PPP2R2D: variants seen among roughly 807,000 people sequenced by gnomAD.
PPP2R2D encodes protein phosphatase 2 regulatory subunit Bdelta.
A neutral mutation model predicts 31.1 loss-of-function variants in PPP2R2D; 9 were observed. That is an observed-to-expected ratio of 0.29 (90% CI 0.17 to 0.51). The LOEUF (loss-of-function observed/expected upper bound fraction) is 0.51. PPP2R2D is among the 20% of genes least tolerant of loss of function. The pLI, the probability that PPP2R2D is intolerant of heterozygous loss-of-function variation, is 0.98. For synonymous variants in PPP2R2D, 179 were observed against 172.6 expected, an observed-to-expected ratio of 1.04 and a Z score of -0.29; for missense variants, 391 against 465.6, an observed-to-expected ratio of 0.84 and a Z score of 1.48.
At chr10:131,961,578 C>T (rs1589971953), downstream of PPP2R2D, among the ~76,000 whole-genome samples, 1 of 152,206 alleles carries the variant, frequency 6.6e-6, no homozygotes, top group East Asian at 1.9e-4. Context: ...CCATACGCCC[C>T]TCAGATCTCT....
chr10:131,937,820 A>G (rs2036370072), intron 3 of PPP2R2D, among the ~76,000 whole-genome samples: 1 of 152,240 alleles, frequency 6.6e-6, no homozygotes, highest in Non-Finnish European at 1.5e-5. Context: ...TTGAAATAGA[A>G]CTGTCTGTTG....
intron 8 of PPP2R2D, among the ~76,000 whole-genome samples, chr10:131,953,577 T>C (rs2036732613): frequency 7.0e-6 from 1 of 141,996 alleles, no homozygotes; most frequent in African/African-American, 2.7e-5. Context: ...GGGGTCACTG[T>C]CTTAGCAGTG....
Position 131,955,704 on chromosome 10 carries a change from A to G in PPP2R2D, c.1103A>G (p.Tyr368Cys). 1 of 1,471,416 alleles carries G rather than the reference A, an allele frequency of 6.8e-7. No homozygotes were observed. The allele number at this position is 1,471,416 out of a possible 1,614,324, so 91.1% of individuals were successfully genotyped here. The change falls in exon 9 of 9, where the codon TAT becomes TGT. Residue 368 changes from tyrosine to cysteine, a missense_variant. By Grantham distance (194) the Tyr-to-Cys change is radical. Transcript: ENST00000455566. ...AACAGCGCCATCATGACCGGGTCCT[A>G]TAACAACTTCTTCAGGATGTTTGAT... ...GSDSAIMTGS[Y>C]NNFFRMFDRD...
At chr10:131,970,611 C>T in the PPP2R2D span, 9 of 1,609,718 alleles carry the variant, frequency 5.6e-6, no homozygotes, top group Non-Finnish European at 7.6e-6. The surrounding 1 kb of genome is among the most constrained non-coding windows in gnomAD (Gnocchi z 4.1). Flanking sequence ...CATGCCATGA[C>T]AGGAGTCACA....
At chr10:131,963,714 CTTT>C (rs1428573729), downstream of PPP2R2D, among the ~76,000 whole-genome samples, 3 of 151,974 alleles carry the variant, frequency 2.0e-5, no homozygotes, top group African/African-American at 7.3e-5. Context: ...AGGGACCACA[CTTT>C]TTTTTTCTTT....
chr10:131,944,207 C>T (rs761456096), intron 6 of PPP2R2D, 62 bp downstream of exon 6: 3 of 1,409,340 alleles, frequency 2.1e-6, no homozygotes, highest in African/African-American at 2.9e-5. Context: ...AGTAATTTCT[C>T]TCGTCCCTTT....
chr10:131,936,585 A>G (rs1187190693), intron 3 of PPP2R2D, among the ~76,000 whole-genome samples: 5 of 152,278 alleles, frequency 3.3e-5, no homozygotes, highest in Non-Finnish European at 7.3e-5. Context: ...ATTTTAGGTT[A>G]GAAAATGGAA....
the PPP2R2D span, chr10:131,970,754 G>A: frequency 1.9e-6 from 3 of 1,614,202 alleles, no homozygotes; most frequent in Non-Finnish European, 2.5e-6. The surrounding 1 kb of genome is among the most constrained non-coding windows in gnomAD (Gnocchi z 4.1). Flanking sequence ...TGCTGAGGGT[G>A]GCCGTGCGCT....
chr10:131,954,615 CTT>C, intron 8 of PPP2R2D, among the ~76,000 whole-genome samples: 1 of 151,120 alleles, frequency 6.6e-6, no homozygotes, highest in East Asian at 1.9e-4. Context: ...TGCAGTTTCT[CTT>C]CTCTGAGTTC....
At chr10:131,905,780 G>A (rs1015630162) in intron 2 of PPP2R2D, among the ~76,000 whole-genome samples, 1 of 152,252 alleles carries the variant, frequency 6.6e-6, no homozygotes, top group African/African-American at 2.4e-5. Flanking sequence ...CCGCAGAGCC[G>A]TGGAGCGCTG....
Position 131,940,623 on chromosome 10 carries a change from A to G in PPP2R2D, c.406A>G (p.Arg136Gly), listed in dbSNP as rs1589952353. ...ATGGAAAATAAGTGAACGGGATAAA[A>G]GAGCAGAAGGTTATAACCTGAAAGA... ...KLWKISERDK[R>G]AEGYNLKDED... The change falls in exon 5 of 9, where the codon AGA becomes GGA. Residue 136 changes from arginine to glycine, a missense_variant. Arg to Gly is a moderately radical substitution (Grantham distance 125, BLOSUM62 -2). Transcript: ENST00000455566. 1 of 777,052 alleles carries G rather than the reference A, an allele frequency of 1.3e-6. No homozygotes were observed. Among genetic ancestry groups the G allele is most frequent in the Non-Finnish European group, 2.4e-6 (1 of 416,278 alleles). 48.1% of individuals were successfully genotyped at this position (777,052 alleles called of 1,614,324 possible).
At position 131,958,850 on chromosome 10, in the gene PPP2R2D, T is replaced by C. The variant is rs561392321; in HGVS notation, c.*2887T>C. On this transcript the variant is annotated 3_prime_UTR_variant, in exon 9 of 9. Coordinates refer to ENST00000455566, the MANE Select transcript of PPP2R2D (RefSeq NM_018461.5). ...CTGATCCCCCATCCCCCTGTGGAGA[T>C]GAAGGCGTGTGCTGATCCGCCATCC... is the stretch of plus-strand genomic sequence containing the variant. The C allele has an allele frequency of 1.0e-5, 2 of 196,754 alleles. No individual in the cohort carries two copies. Among genetic ancestry groups the C allele is most frequent in the East Asian group, 4.2e-4 (2 of 4,810 alleles). The allele number at this position is 196,754 out of a possible 1,614,324, so 12.2% of individuals were successfully genotyped here.
the PPP2R2D span, chr10:131,968,456 C>T: frequency 8.3e-6 from 11 of 1,331,148 alleles, no homozygotes; most frequent in African/African-American, 1.2e-4. Context: ...TCTAACAGCT[C>T]TTCAGTGAGC....
At chr10:131,920,740 C>G (rs1554894126) in intron 2 of PPP2R2D, among the ~76,000 whole-genome samples, 1 of 152,076 alleles carries the variant, frequency 6.6e-6, no homozygotes, top group African/African-American at 2.4e-5. Context: ...ATCAGCGTGG[C>G]CAACATGGTG....
intron 2 of PPP2R2D, among the ~76,000 whole-genome samples, chr10:131,906,297 T>C (rs2035582762): frequency 6.6e-6 from 1 of 152,272 alleles, no homozygotes; most frequent in Admixed American, 6.5e-5. Context: ...AGCTGGTTCC[T>C]TTCTTCTCAG....
intron 2 of PPP2R2D, among the ~76,000 whole-genome samples, chr10:131,923,408 A>T (rs2036031950): frequency 1.3e-5 from 2 of 152,150 alleles, no homozygotes; most frequent in African/African-American, 4.8e-5. Flanking sequence ...GCACCTGTGG[A>T]CATTCTTGTA....
chr10:131,919,740 C>T (rs1304072161), intron 2 of PPP2R2D, among the ~76,000 whole-genome samples: 1 of 126,958 alleles, frequency 7.9e-6, no homozygotes, highest in Admixed American at 8.0e-5. Context: ...TCGTAGGGAC[C>T]TCACGTGGGT....
Position 131,940,140 on chromosome 10 carries a change from A to G in PPP2R2D, c.308A>G (p.Asn103Ser), listed in dbSNP as rs2036416407. The G allele has an allele frequency of 1.3e-6, 1 of 777,878 alleles. No individual in the cohort carries two copies. Among genetic ancestry groups the G allele is most frequent in the African/African-American group, 1.7e-5 (1 of 59,020 alleles). The allele number at this position is 777,878 out of a possible 1,614,324, so 48.2% of individuals were successfully genotyped here. The change falls in exon 4 of 9, where the codon AAT becomes AGT. Residue 103 changes from asparagine (N) to serine (S), a missense_variant. By Grantham distance (46) the Asn-to-Ser change is conservative. Around this residue, in one of 3 missense-constraint regions of PPP2R2D, gnomAD observed 105 missense variants for 98.5 expected, o/e 1.07. Transcript: ENST00000455566. ...LKSLEIEEKI[N>S]KIRWLPQQNA... ...AGTCTAGAAATTGAGGAAAAAATTA[A>G]TAAAATTAGGTGGTTACCACAACAG... is the stretch of plus-strand genomic sequence containing the variant.
At chr10:131,954,951 G>A (rs1407295878) in intron 8 of PPP2R2D, among the ~76,000 whole-genome samples, 2 of 152,202 alleles carry the variant, frequency 1.3e-5, no homozygotes, top group Non-Finnish European at 2.9e-5. Context: ...TCATGGCAGC[G>A]TTTGCATCAT....
Sources: allele counts gnomAD v4.1 joint callset (sites outside exome capture counted in the v4.1 genomes callset), GRCh38; gene constraint gnomAD v4.1.1; regional missense constraint gnomAD v4.1.1; non-coding constraint Gnocchi (gnomAD v3.1); transcripts MANE v1.5; gene names NCBI Gene and HGNC (gene_info 2026-07-23, HGNC 2026-07-21).